Variants in ZNF727 observed in about 807,000 individuals in gnomAD.
The protein encoded by ZNF727 is zinc finger protein 727.
In ZNF727, 11 loss-of-function variants were observed where a neutral mutation model predicts 11.5. The ratio of observed to expected loss-of-function variants is 0.95; its 90% CI spans 0.60 to 1.58. The LOEUF is 1.58. ZNF727 is among the 40% of genes most tolerant of loss of function. The pLI, the probability that ZNF727 is intolerant of heterozygous loss-of-function variation, is 0.00. For missense variants in ZNF727, 533 were observed against 581.7 expected, an observed-to-expected ratio of 0.92 and a Z score of 0.86; for synonymous variants, 171 against 196.1, an observed-to-expected ratio of 0.87 and a Z score of 1.07.
rs1785853681 is a variant in ZNF727 at position 64,085,176 on chromosome 7, C to G, written c.*6627C>G. ...TTAATGGTGTTCATAAAATAATTTT[C>G]ACATGTAATTTCACACTGAGTGTAT... is the stretch of plus-strand genomic sequence containing the variant. On this transcript the variant is annotated 3_prime_UTR_variant, in exon 4 of 4. Transcript: ENST00000456806. Among the ~76,000 whole-genome samples the G allele has an allele frequency of 6.6e-6, 1 of 152,090 alleles. No homozygotes were observed. Among genetic ancestry groups the G allele is most frequent in the South Asian group, 2.1e-4 (1 of 4,828 alleles).
chr7:64,066,909 A>G (rs1175267442), intron 1 of ZNF727, among the ~76,000 whole-genome samples: 1 of 152,200 alleles, frequency 6.6e-6, no homozygotes, highest in African/African-American at 2.4e-5. Flanking sequence ...TCCATCTGAC[A>G]AAGGGCTAAT....
In ZNF727 at chr7:64,077,704, A is replaced by C. The variant is rs769304246; in HGVS notation, c.655A>C (p.Asn219His). The C allele has an allele frequency of 1.4e-5, 22 of 1,576,444 alleles. No homozygotes were observed. The highest frequency in any genetic ancestry group is 1.9e-5 in the Non-Finnish European group (22 of 1,160,660). The change falls in exon 4 of 4, where the codon AAT becomes CAT. Residue 219 changes from asparagine (N) to histidine (H), a missense_variant. Coordinates refer to ENST00000456806, the MANE Select transcript of ZNF727 (RefSeq NM_001159522.3). ...AAAGTTCTCAAACCTTACTGAACAT[A>C]ATAGAGTTCATACTGGAAAGAAACC... ...CKKFSNLTEH[N>H]RVHTGKKPYK...
At chr7:64,045,898 T>C (rs1185538790) in intron 1 of ZNF727, among the ~76,000 whole-genome samples, 1 of 152,166 alleles carries the variant, frequency 6.6e-6, no homozygotes, top group African/African-American at 2.4e-5. Context: ...CTCCTCCAGA[T>C]TGTGCGGGGA....
rs184226937 is a variant in ZNF727 at position 64,070,111 on chromosome 7, T to A, written c.226+502T>A. Among the ~76,000 whole-genome samples the A allele has an allele frequency of 2.6e-5, 4 of 152,224 alleles. No individual in the cohort carries two copies. The East Asian group carries it at 5.8e-4, about 22-fold the overall frequency. On this transcript the variant is annotated intron_variant, in intron 3 of 3. Coordinates refer to ENST00000456806, the MANE Select transcript of ZNF727 (RefSeq NM_001159522.3). Reference sequence around the variant, plus strand: ...TCCTGCTTTATAATTTTCTATTCTATGGAGGCTTCAAATGTGATTTTACAG... The same window carrying A: ...TCCTGCTTTATAATTTTCTATTCTAAGGAGGCTTCAAATGTGATTTTACAG...
intron 1 of ZNF727, among the ~76,000 whole-genome samples, chr7:64,051,374 C>A (rs758348685): frequency 6.6e-6 from 1 of 152,074 alleles, no homozygotes; most frequent in Non-Finnish European, 1.5e-5. Context: ...ATTTTCAGGT[C>A]GTATTTTCTA....
intron 3 of ZNF727, among the ~76,000 whole-genome samples, chr7:64,070,709 A>G (rs1242141977): frequency 6.6e-6 from 1 of 152,044 alleles, no homozygotes; most frequent in African/African-American, 2.4e-5. Flanking sequence ...TCATAAAGCT[A>G]TACCTTAGGT....
chr7:64,067,189 CAAT>C (rs1188813518), intron 1 of ZNF727, among the ~76,000 whole-genome samples: 2 of 152,070 alleles, frequency 1.3e-5, no homozygotes, highest in African/African-American at 4.8e-5. Context: ...ATCAAAACCA[CAAT>C]GAGATAGTAT....
chr7:64,079,224 G>C lies in ZNF727; in HGVS notation c.*675G>C, dbSNP rs11760975. On this transcript the variant is annotated 3_prime_UTR_variant, in exon 4 of 4. Coordinates refer to ENST00000456806, the MANE Select transcript of ZNF727 (RefSeq NM_001159522.3). ...GTCATTAGACATAAGACAATTCATA[G>C]TAGAGAGAAGCTCCACAAGTGTTAA... Among the ~76,000 whole-genome samples the C allele has an allele frequency of 0.65, 98,597 of 152,114 alleles. 32,382 individuals are homozygous for C. The highest frequency in any genetic ancestry group is 0.72 in the Admixed American group (11,072 of 15,274).
At chr7:64,054,915 T>C (rs1789658723) in intron 1 of ZNF727, among the ~76,000 whole-genome samples, 1 of 152,194 alleles carries the variant, frequency 6.6e-6, no homozygotes, top group Admixed American at 6.5e-5. Flanking sequence ...GTGATTTTTG[T>C]GTCTTTTAAA....
intron 1 of ZNF727, among the ~76,000 whole-genome samples, chr7:64,066,302 A>T (rs183951012): frequency 5.9e-5 from 9 of 152,334 alleles, no homozygotes; most frequent in Middle Eastern, 3.4e-3. Context: ...AGAAAAAAGT[A>T]CTTTAAATTT....
intron 2 of ZNF727, among the ~76,000 whole-genome samples, 196 bp from the exon 3 acceptor site, chr7:64,069,318 A>G (rs566787996): frequency 6.6e-6 from 1 of 152,082 alleles, no homozygotes; most frequent in Non-Finnish European, 1.5e-5. Context: ...TTTTTGATGC[A>G]ATATTACTGG....
At chr7:64,070,851 A>G (rs1251599327) in intron 3 of ZNF727, among the ~76,000 whole-genome samples, 4 of 152,082 alleles carry the variant, frequency 2.6e-5, no homozygotes, top group Non-Finnish European at 4.4e-5. Context: ...TATATTCTCC[A>G]TAGAGGTGAG....
At chr7:64,051,999 A>T (rs146048523) in intron 1 of ZNF727, among the ~76,000 whole-genome samples, 4 of 152,180 alleles carry the variant, frequency 2.6e-5, no homozygotes, top group Non-Finnish European at 5.9e-5. Flanking sequence ...CTCCATAGGT[A>T]TTATACATAA....
intron 1 of ZNF727, among the ~76,000 whole-genome samples, chr7:64,066,309 A>G (rs1789866678): frequency 2.6e-5 from 4 of 152,206 alleles, no homozygotes; most frequent in East Asian, 1.9e-4. Flanking sequence ...AGTACTTTAA[A>G]TTTTATATGG....
chr7:64,053,721 GC>G (rs1482600132), intron 1 of ZNF727, among the ~76,000 whole-genome samples: 1 of 151,800 alleles, frequency 6.6e-6, no homozygotes, highest in Admixed American at 6.6e-5. Context: ...CTTGCATTCC[GC>G]CATAATTGTC....
intron 1 of ZNF727, among the ~76,000 whole-genome samples, chr7:64,050,245 T>C (rs1789570024): frequency 6.6e-6 from 1 of 152,126 alleles, no homozygotes; most frequent in African/African-American, 2.4e-5. Context: ...GTAGATAATA[T>C]ACAAACACAT....
rs563721466 is a variant in ZNF727, at chr7:64,081,834, A to G, written c.*3285A>G. ...AAATGGCCGTCAATGGCCACACTCT[A>G]CTACAGGTGCTCTTGCACTAAACCC... On this transcript the variant is annotated 3_prime_UTR_variant, in exon 4 of 4. Coordinates refer to ENST00000456806, the MANE Select transcript of ZNF727 (RefSeq NM_001159522.3). Among the ~76,000 whole-genome samples the G allele has an allele frequency of 9.9e-5, 15 of 152,264 alleles. No individual in the cohort carries two copies. Among genetic ancestry groups the G allele is most frequent in the African/African-American group, 3.1e-4 (13 of 41,570 alleles).
At chr7:64,071,384 T>C (rs1264312050) in intron 3 of ZNF727, among the ~76,000 whole-genome samples, 1 of 152,146 alleles carries the variant, frequency 6.6e-6, no homozygotes, top group Non-Finnish European at 1.5e-5. Flanking sequence ...CCTTTCTACA[T>C]ACCTGTTGCC....
rs1256496234 is a variant in ZNF727 at position 64,084,507 on chromosome 7, ATTTC to A, written c.*5962_*5965del. Among the ~76,000 whole-genome samples the A allele has an allele frequency of 6.6e-6, 1 of 152,124 alleles. No homozygotes were observed. The highest frequency in any genetic ancestry group is 2.4e-5 in the African/African-American group (1 of 41,428). On this transcript the variant is annotated 3_prime_UTR_variant, in exon 4 of 4. Transcript: ENST00000456806. ...TGACTGTGGAATAACATCTCTAGTG[ATTTC>A]TTTGTCAGTGGTCTTTAACTTACCA...
Sources: allele counts gnomAD v4.1 joint callset (sites outside exome capture counted in the v4.1 genomes callset), GRCh38; gene constraint gnomAD v4.1.1; transcripts MANE v1.5; gene names NCBI Gene and HGNC (gene_info 2026-07-23, HGNC 2026-07-21).